The following TMOD1 variants were observed in gnomAD, a reference collection of about 807,000 sequenced individuals.
TMOD1 encodes tropomodulin 1.
In TMOD1, 17 loss-of-function variants were observed where a neutral mutation model predicts 40.6. The ratio of observed to expected loss-of-function variants is 0.42; its 90% CI spans 0.29 to 0.63. The LOEUF (loss-of-function observed/expected upper bound fraction) is 0.63. Ranked by LOEUF, TMOD1 falls within the 20% of genes least tolerant of loss-of-function variation. TMOD1 has a pLI of 0.22. For missense variants in TMOD1, 391 were observed against 447.6 expected, an observed-to-expected ratio of 0.87 and a Z score of 1.14; for synonymous variants, 181 against 175.0, an observed-to-expected ratio of 1.03 and a Z score of -0.27.
chr9:97,598,311 G>C (rs1826158345), intron 9 of TMOD1, among the ~76,000 whole-genome samples: 1 of 115,392 alleles, frequency 8.7e-6, no homozygotes, highest in Admixed American at 1.2e-4. Context: ...CTGTGTGACA[G>C]AGCGAAACTC....
chr9:97,539,971 C>CAAAAAAAAAAAAAAAAAAAA (rs34844299), intron 2 of TMOD1, among the ~76,000 whole-genome samples: 30 of 71,824 alleles, frequency 4.2e-4, no homozygotes, highest in Non-Finnish European at 5.1e-4. Context: ...GACTCTGTCT[C>CAAAAAAAAAAAAAAAAAAAA]AAAAAAAAAA....
intron 1 of TMOD1, among the ~76,000 whole-genome samples, chr9:97,508,270 C>G (rs1174639914): frequency 6.6e-6 from 1 of 151,950 alleles, no homozygotes. Flanking sequence ...CTCACTGCAA[C>G]CTCCGCCTCC....
At chr9:97,560,803 C>T (rs774691799) in intron 4 of TMOD1, among the ~76,000 whole-genome samples, 1 of 151,710 alleles carries the variant, frequency 6.6e-6, no homozygotes, top group Non-Finnish European at 1.5e-5. Context: ...GTGGAGTTTA[C>T]TGTGAGCCGA....
At chr9:97,569,143 T>A in intron 8 of TMOD1, 106 bp downstream of exon 8, 1 of 1,455,074 alleles carries the variant, frequency 6.9e-7, no homozygotes, top group South Asian at 1.3e-5. Flanking sequence ...TGATAGAAGC[T>A]CAGAGCCCAG....
chr9:97,595,639 C>T (rs1209155601), intron 9 of TMOD1, among the ~76,000 whole-genome samples: 1 of 149,284 alleles, frequency 6.7e-6, no homozygotes, highest in Non-Finnish European at 1.5e-5. Flanking sequence ...AGGTTGATTC[C>T]TTATTTTGGG....
chr9:97,508,103 A>G (rs1176976991), intron 1 of TMOD1, among the ~76,000 whole-genome samples: 1 of 146,636 alleles, frequency 6.8e-6, no homozygotes, highest in Non-Finnish European at 1.5e-5. Flanking sequence ...ACACACACAC[A>G]CAGACTCTGG....
chr9:97,553,234 T>C (rs374620800), intron 3 of TMOD1, 47 bp from the exon 4 acceptor site: 26 of 1,611,544 alleles, frequency 1.6e-5, no homozygotes, highest in Non-Finnish European at 2.1e-5. Flanking sequence ...CACCAGAGGC[T>C]GTTCCATTGC....
At chr9:97,564,961 G>T (rs1830705111) in intron 6 of TMOD1, among the ~76,000 whole-genome samples, 2 of 152,196 alleles carry the variant, frequency 1.3e-5, no homozygotes, top group South Asian at 2.1e-4. Flanking sequence ...GGCACCATCA[G>T]ATTGGAAACC....
intron 5 of TMOD1, 121 bp from the exon 6 acceptor site, chr9:97,563,917 T>C (rs1830679909): frequency 2.8e-5 from 19 of 675,296 alleles, no homozygotes; most frequent in Non-Finnish European, 3.7e-5. Context: ...ACCCAGCCCC[T>C]GTGATGTGCA....
intron 2 of TMOD1, among the ~76,000 whole-genome samples, chr9:97,533,400 C>G (rs537940170): frequency 1.3e-5 from 2 of 152,326 alleles, no homozygotes; most frequent in East Asian, 3.9e-4. Flanking sequence ...AGACTGGGAA[C>G]CATACTGTAT....
chr9:97,599,527 G>C, intron 9 of TMOD1, 107 bp from the exon 10 acceptor site: 1 of 1,418,882 alleles, frequency 7.0e-7, no homozygotes, highest in East Asian at 2.4e-5. Context: ...TTCAGACTCT[G>C]TTAACAAACC....
intron 4 of TMOD1, among the ~76,000 whole-genome samples, chr9:97,559,610 CA>C (rs1294720214): frequency 6.7e-6 from 1 of 150,308 alleles, no homozygotes; most frequent in African/African-American, 2.5e-5. Flanking sequence ...ACTAAAAATA[CA>C]AAAATTAGCT....
chr9:97,572,088 T>G (rs1256495536), intron 8 of TMOD1, among the ~76,000 whole-genome samples: 2 of 152,126 alleles, frequency 1.3e-5, no homozygotes, highest in Non-Finnish European at 2.9e-5. Context: ...TAGTCAGGAA[T>G]AGCAATCAGG....
chr9:97,549,075 G>T (rs765729784), intron 3 of TMOD1, among the ~76,000 whole-genome samples: 8 of 152,230 alleles, frequency 5.3e-5, no homozygotes, highest in Non-Finnish European at 1.2e-4. Flanking sequence ...GGAAAGGGAG[G>T]CCTTCTCATT....
At chr9:97,579,308 T>A (rs1825686617) in intron 8 of TMOD1, among the ~76,000 whole-genome samples, 1 of 152,186 alleles carries the variant, frequency 6.6e-6, no homozygotes, top group Non-Finnish European at 1.5e-5. Context: ...TCTGCACACC[T>A]CGACCGAGAG....
At position 97,565,926 on chromosome 9, in the gene TMOD1, G is replaced by C; in HGVS notation, c.697G>C (p.Gly233Arg). The change falls in exon 7 of 10, where the codon GGG becomes CGG. Residue 233 changes from glycine to arginine, a missense_variant. Gly to Arg is a moderately radical substitution (Grantham distance 125). Transcript: ENST00000259365. ...ATATGTGAAGAAGTTCAGCATCGTG[G>C]GGACACGGAGTAATGACCCCGTGGC... ...NSYVKKFSIV[G>R]TRSNDPVAYA... 1 of 1,614,182 alleles carries C rather than the reference G, an allele frequency of 6.2e-7. No homozygotes were observed. Among genetic ancestry groups the C allele is most frequent in the Non-Finnish European group, 8.5e-7 (1 of 1,180,016 alleles).
At chr9:97,552,373 C>T (rs1436379604) in intron 3 of TMOD1, among the ~76,000 whole-genome samples, 2 of 152,160 alleles carry the variant, frequency 1.3e-5, no homozygotes, top group African/African-American at 4.8e-5. Context: ...ACCCACAACC[C>T]ATCCTGTCAT....
chr9:97,559,022 G>C (rs1342866000), intron 4 of TMOD1, among the ~76,000 whole-genome samples: 2 of 152,176 alleles, frequency 1.3e-5, no homozygotes, highest in African/African-American at 4.8e-5. Context: ...ATCACAGGAA[G>C]CTGGCATCTG....
chr9:97,523,684 T>C (rs1340142958), intron 1 of TMOD1, among the ~76,000 whole-genome samples: 1 of 152,146 alleles, frequency 6.6e-6, no homozygotes, highest in Non-Finnish European at 1.5e-5. Flanking sequence ...AATGAGATGG[T>C]GTAGGTGAGG....
Sources: gnomAD v4.1 joint callset for allele counts (sites outside exome capture counted in the v4.1 genomes callset) on GRCh38, gnomAD v4.1.1 for gene constraint, MANE v1.5 for transcripts, NCBI Gene and HGNC (gene_info 2026-07-23, HGNC 2026-07-21) for gene names.